CWC22: variants seen among roughly 807,000 people sequenced by gnomAD.
CWC22 encodes the protein pre-mRNA-splicing factor CWC22 homolog.
In CWC22, 53 loss-of-function variants were observed where a neutral mutation model predicts 117.2. The observed-to-expected ratio is 0.45, with a 90% CI of 0.36 to 0.57. The LOEUF (loss-of-function observed/expected upper bound fraction) is 0.57, where lower values mean the gene tolerates loss of function less well. CWC22 is among the 20% of genes least tolerant of loss of function. The probability of loss-of-function intolerance (pLI) is 0.00; values close to 1 mark genes in which losing one functional copy is unlikely to be tolerated. For synonymous variants in CWC22, 360 were observed against 355.6 expected (o/e 1.01, Z -0.14); for missense variants, 980 against 1,068.8 (o/e 0.92, Z 1.16).
At chr2:179,978,950 C>T (rs1201960475) in intron 5 of CWC22, among the ~76,000 whole-genome samples, 1 of 152,108 alleles carries the variant, frequency 6.6e-6, no homozygotes, top group Non-Finnish European at 1.5e-5. Flanking sequence ...GATAGCTGTA[C>T]TGCTTTTTAC....
At chr2:179,976,560 A>G (rs1162859568) in intron 6 of CWC22, among the ~76,000 whole-genome samples, 1 of 151,880 alleles carries the variant, frequency 6.6e-6, no homozygotes, top group East Asian at 1.9e-4. Flanking sequence ...TCAACTCAAT[A>G]GTAAGAAAAC....
At chr2:179,966,676 G>C (rs188514238) in intron 11 of CWC22, among the ~76,000 whole-genome samples, 4 of 152,170 alleles carry the variant, frequency 2.6e-5, no homozygotes, top group Admixed American at 6.5e-5. Flanking sequence ...ACTACATAAG[G>C]CCAGTCATTA....
At chr2:180,000,303 T>C (rs1687813883) in intron 1 of CWC22, among the ~76,000 whole-genome samples, 1 of 152,236 alleles carries the variant, frequency 6.6e-6, no homozygotes, top group Non-Finnish European at 1.5e-5. Flanking sequence ...AAATCCTTTA[T>C]CTGCAGTTCT....
At chr2:179,966,975 T>C (rs1686906711) in intron 11 of CWC22, among the ~76,000 whole-genome samples, 1 of 152,206 alleles carries the variant, frequency 6.6e-6, no homozygotes, top group Non-Finnish European at 1.5e-5. Context: ...ATGCAGCCCT[T>C]ATCTGACATA....
chr2:179,974,497 T>C (rs994317085), intron 6 of CWC22, among the ~76,000 whole-genome samples: 1 of 152,230 alleles, frequency 6.6e-6, no homozygotes, highest in African/African-American at 2.4e-5. Context: ...CAAGTAATTA[T>C]TGGATTGCCA....
intron 1 of CWC22, among the ~76,000 whole-genome samples, chr2:179,996,882 A>T (rs1007343703): frequency 4.8e-5 from 4 of 83,564 alleles, no homozygotes; most frequent in African/African-American, 1.6e-4. Flanking sequence ...TTAAAGGAAG[A>T]CAAAATGAAG....
chr2:179,977,259 G>A (rs1176613583), intron 6 of CWC22, among the ~76,000 whole-genome samples: 1 of 152,142 alleles, frequency 6.6e-6, no homozygotes, highest in Non-Finnish European at 1.5e-5. Context: ...TCAGTATGTT[G>A]AAGAGGTATC....
chr2:179,979,677 A>C (rs751215348), intron 5 of CWC22, among the ~76,000 whole-genome samples: 15 of 152,058 alleles, frequency 9.9e-5, no homozygotes, highest in Admixed American at 1.3e-4. Context: ...TTTGTTTCTA[A>C]ATTCTCTATA....
In CWC22 at chr2:179,970,397, G is replaced by A. The variant is rs1195693881; in HGVS notation, c.1210+104C>T. ...AAGAGAATAACTTTATAAGAGCAGC[G>A]ATTCATTAGGTGGGGATCTCTAAAT... On this transcript the variant is annotated intron_variant, in intron 11 of 19. Transcript: ENST00000410053. The A allele has an allele frequency of 7.0e-6, 8 of 1,139,402 alleles. No homozygotes were observed. In the East Asian group the frequency reaches 7.9e-5, roughly 11 times the overall value. 70.6% of individuals were successfully genotyped at this position (1,139,402 alleles called of 1,614,324 possible).
intron 19 of CWC22, among the ~76,000 whole-genome samples, chr2:179,946,464 A>AGGGG (rs1553556645): frequency 1.1e-5 from 1 of 92,542 alleles, no homozygotes; most frequent in Non-Finnish European, 2.0e-5. Flanking sequence ...AAAAAAAAAA[A>AGGGG]GGGGGGGGGG....
At chr2:180,005,093 G>A (rs533177994) in intron 1 of CWC22, among the ~76,000 whole-genome samples, 7 of 151,976 alleles carry the variant, frequency 4.6e-5, no homozygotes, top group Admixed American at 2.6e-4. Flanking sequence ...ACAGAACTGG[G>A]TGAAGCCCAG....
At chr2:179,986,654 C>A (rs745794775) in intron 4 of CWC22, 41 bp downstream of exon 4, 1 of 1,158,284 alleles carries the variant, frequency 8.6e-7, no homozygotes, top group Non-Finnish European at 1.3e-6. Context: ...AGAGTTTAAA[C>A]AAATACAATT....
chr2:179,960,113 T>C (rs1037448579), intron 13 of CWC22, among the ~76,000 whole-genome samples: 9 of 152,090 alleles, frequency 5.9e-5, no homozygotes, highest in African/African-American at 2.2e-4. Context: ...TACAAACTGG[T>C]CACTCAAATA....
chr2:179,953,569 A>G (rs1338447894), intron 16 of CWC22, among the ~76,000 whole-genome samples: 1 of 152,124 alleles, frequency 6.6e-6, no homozygotes, highest in Non-Finnish European at 1.5e-5. Context: ...ACCTCTCTCA[A>G]TGACTCAGTA....
At position 179,991,574 on chromosome 2, in the gene CWC22, A is replaced by G. The variant is rs904067301; in HGVS notation, c.27+1741T>C. Among the ~76,000 whole-genome samples, 3 of 152,312 alleles carry G rather than the reference A, an allele frequency of 2.0e-5. 1 individual carries two copies. On this transcript the variant is annotated intron_variant, in intron 2 of 19. Coordinates refer to ENST00000410053, the MANE Select transcript of CWC22 (RefSeq NM_020943.3). The stretch of plus-strand genomic sequence containing the variant: ...AGACCCATCTGGGCCACAAGAGGGA[A>G]GCGTGGAGAAGCAGAGACTAAGAGG...
At chr2:179,990,857 G>A (rs1363500457) in intron 2 of CWC22, among the ~76,000 whole-genome samples, 1 of 152,190 alleles carries the variant, frequency 6.6e-6, no homozygotes, top group Non-Finnish European at 1.5e-5. Flanking sequence ...GAGATCTTGA[G>A]TAGGAAACAA....
intron 11 of CWC22, 82 bp downstream of exon 11, chr2:179,970,418 TA>T: frequency 1.6e-6 from 2 of 1,282,772 alleles, no homozygotes; most frequent in Non-Finnish European, 2.1e-6. Context: ...TGGGGATCTC[TA>T]AATATTTGCT....
At chr2:179,964,410 T>C (rs1412661546) in intron 13 of CWC22, 137 bp downstream of exon 13, 4 of 506,018 alleles carry the variant, frequency 7.9e-6, no homozygotes, top group Non-Finnish European at 1.0e-5. Flanking sequence ...AGCTTGGGCA[T>C]GGGATGGGGG....
intron 1 of CWC22, among the ~76,000 whole-genome samples, chr2:180,002,576 C>T (rs1442052378): frequency 2.6e-5 from 4 of 152,066 alleles, no homozygotes; most frequent in African/African-American, 4.8e-5. Flanking sequence ...TGTCTATGTA[C>T]GGTGGGGAGA....
Sources: gnomAD v4.1 joint callset for allele counts (sites outside exome capture counted in the v4.1 genomes callset) on GRCh38, gnomAD v4.1.1 for gene constraint, MANE v1.5 for transcripts, NCBI Gene and HGNC (gene_info 2026-07-23, HGNC 2026-07-21) for gene names.